IFI27L1: variants seen among roughly 807,000 people sequenced by gnomAD.
IFI27L1 encodes the protein interferon alpha-inducible protein 27-like protein 1.
Under a neutral mutation model 9.2 loss-of-function variants are expected in IFI27L1, and 3 were observed. That is an observed-to-expected ratio of 0.32 (90% CI 0.15 to 0.84). The LOEUF (loss-of-function observed/expected upper bound fraction) is 0.84. Among genes scored for constraint, IFI27L1 ranks in the 40% least tolerant of loss-of-function variants. IFI27L1 has a pLI of 0.56. For missense variants in IFI27L1, 133 were observed against 134.2 expected (o/e 0.99, Z 0.05); for synonymous variants, 53 against 50.0 (o/e 1.06, Z -0.26).
chr14:94,100,304 C>T (rs1249059172), intron 2 of IFI27L1: 2 of 985,264 alleles, frequency 2.0e-6, no homozygotes, highest in Non-Finnish European at 2.4e-6. Context: ...GGCGCCTCTT[C>T]CTGGGGAGGT....
intron 3 of IFI27L1, among the ~76,000 whole-genome samples, 178 bp from the exon 4 acceptor site, chr14:94,101,636 T>C (rs930835226): frequency 6.6e-6 from 1 of 152,268 alleles, no homozygotes. Context: ...CAGATTATCC[T>C]GGGAGCCGGT....
chr14:94,101,889 T>G lies in IFI27L1; in HGVS notation c.137T>G (p.Ile46Arg). 1 of 1,614,200 alleles carries G rather than the reference T, an allele frequency of 6.2e-7. No homozygotes were observed. The highest frequency in any genetic ancestry group is 8.5e-7 in the Non-Finnish European group (1 of 1,180,016). Residue 46 changes from isoleucine to arginine, a missense_variant, in exon 4 of 5, where the codon ATA (isoleucine) becomes AGA (arginine). Transcript: ENST00000555523. ...TCAGTAGGAATCGCCGCATCCTCCA[T>G]AGCAGCCAAGATGATGTCTACAGCA... Reference protein sequence around the residue: ...FTSVGIAASSIAAKMMSTAAI... With the variant: ...FTSVGIAASSRAAKMMSTAAI...
chr14:94,102,422 G>C, intron 4 of IFI27L1, 55 bp from the exon 5 acceptor site: 1 of 1,174,694 alleles, frequency 8.5e-7, no homozygotes, highest in Non-Finnish European at 1.2e-6. Context: ...TCAACCCCCT[G>C]TTAGGAGCTG....
intron 4 of IFI27L1, among the ~76,000 whole-genome samples, 174 bp from the exon 5 acceptor site, chr14:94,102,303 C>A (rs1472522207): frequency 6.6e-6 from 1 of 152,144 alleles, no homozygotes; most frequent in Non-Finnish European, 1.5e-5. Flanking sequence ...CAGTGGCCTG[C>A]AGCAGCCCCT....
At chr14:94,101,006 C>T (rs1886874305) in intron 3 of IFI27L1, 1 of 607,628 alleles carries the variant, frequency 1.6e-6, no homozygotes, top group Non-Finnish European at 2.9e-6. Flanking sequence ...CCACCAAGTA[C>T]AAACCATGCA....
At chr14:94,081,494 G>A (rs1212647195) in intron 1 of IFI27L1, 45 bp downstream of exon 1, 3 of 152,466 alleles carry the variant, frequency 2.0e-5, no homozygotes, top group African/African-American at 7.2e-5. Flanking sequence ...ACCGGAAAGG[G>A]GTCTCGATCC....
chr14:94,094,637 G>A (rs543918435), intron 1 of IFI27L1: 14 of 152,208 alleles, frequency 9.2e-5, no homozygotes, highest in Admixed American at 3.9e-4. Context: ...CAGAAAACTC[G>A]TGAATGAGCC....
At position 94,102,482 on chromosome 14, in the gene IFI27L1, G is replaced by T. The variant is rs1241737524; in HGVS notation, c.229G>T (p.Ala77Ser). The change falls in exon 5 of 5, where the codon GCT becomes TCT. Residue 77 changes from alanine (A) to serine (S), a missense_variant. Ala to Ser is a moderately conservative substitution (Grantham distance 99). Coordinates refer to ENST00000555523, the MANE Select transcript of IFI27L1 (RefSeq NM_206949.3). ...CACCCTCTCTTCTCCCCCAGGGGCA[G>T]CTGGACTCTCTGTGACATCTAAAGT... is the stretch of plus-strand genomic sequence containing the variant. ...LVAILQSVGAAGLSVTSKVIG... is the reference protein window; with the variant it reads ...LVAILQSVGASGLSVTSKVIG... The T allele has an allele frequency of 6.3e-7, 1 of 1,586,344 alleles. No homozygotes were observed.
intron 1 of IFI27L1, among the ~76,000 whole-genome samples, chr14:94,094,573 C>G (rs553971765): frequency 1.2e-4 from 19 of 152,298 alleles, no homozygotes; most frequent in African/African-American, 4.6e-4. Context: ...CCACCAAAAC[C>G]TAGATGGTGA....
intron 1 of IFI27L1, among the ~76,000 whole-genome samples, chr14:94,087,376 T>G (rs1886316208): frequency 6.6e-6 from 1 of 152,250 alleles, no homozygotes; most frequent in Admixed American, 6.5e-5. Context: ...TCATGGATTT[T>G]CCCTAGCTCT....
intron 1 of IFI27L1, among the ~76,000 whole-genome samples, chr14:94,092,541 T>C (rs10151745): frequency 0.53 from 81,057 of 151,968 alleles, 23,763 homozygotes; most frequent in East Asian, 0.95. Context: ...CAAAAAAAAC[T>C]TTACAGACAA....
At chr14:94,084,707 G>A (rs911226711) in intron 1 of IFI27L1, among the ~76,000 whole-genome samples, 3 of 152,132 alleles carry the variant, frequency 2.0e-5, no homozygotes, top group Non-Finnish European at 4.4e-5. Context: ...TACTTTTCAA[G>A]GAACAACACG....
intron 1 of IFI27L1, among the ~76,000 whole-genome samples, chr14:94,087,358 C>A (rs1022832583): frequency 6.6e-6 from 1 of 152,108 alleles, no homozygotes; most frequent in African/African-American, 2.4e-5. Flanking sequence ...AGCGTGAAAA[C>A]CCTCTCTTCA....
chr14:94,101,735 TCA>T, intron 3 of IFI27L1, 77 bp from the exon 4 acceptor site: 1 of 1,482,222 alleles, frequency 6.7e-7, no homozygotes, highest in Non-Finnish European at 9.3e-7. Flanking sequence ...CCCCTCCTCC[TCA>T]TCGCCCCAGG....
At chr14:94,085,384 T>G (rs1486499773) in intron 1 of IFI27L1, among the ~76,000 whole-genome samples, 1 of 152,226 alleles carries the variant, frequency 6.6e-6, no homozygotes, top group Admixed American at 6.5e-5. Context: ...TTGAGAAGAC[T>G]AAACGTAAAT....
At chr14:94,101,105 G>A (rs1886879297) in intron 3 of IFI27L1, 1 of 524,496 alleles carries the variant, frequency 1.9e-6, no homozygotes, top group Admixed American at 3.1e-5. Flanking sequence ...CTTTTGAAGG[G>A]AGTATGTCAG....
At chr14:94,093,500 G>A (rs1439290240) in intron 1 of IFI27L1, among the ~76,000 whole-genome samples, 1 of 152,072 alleles carries the variant, frequency 6.6e-6, no homozygotes, top group East Asian at 1.9e-4. Flanking sequence ...ACTTCATTTT[G>A]TATGGAGAAC....
At chr14:94,088,141 C>T in intron 1 of IFI27L1, 2 of 651,138 alleles carry the variant, frequency 3.1e-6, no homozygotes, top group Non-Finnish European at 5.6e-6. Context: ...CTGAATTGTG[C>T]CAAGCTGACT....
intron 1 of IFI27L1, chr14:94,089,014 G>GTTTTGTTA (rs1886378228): frequency 6.6e-6 from 1 of 151,966 alleles, no homozygotes; most frequent in South Asian, 2.1e-4. Flanking sequence ...TTTTTTGTTT[G>GTTTTGTTA]TTTTGTTATT....
Sources: gnomAD v4.1 joint callset for allele counts (sites outside exome capture counted in the v4.1 genomes callset) on GRCh38, gnomAD v4.1.1 for gene constraint, MANE v1.5 for transcripts, NCBI Gene and HGNC (gene_info 2026-07-23, HGNC 2026-07-21) for gene names.